The following MAGI1 variants were observed in gnomAD, a reference collection of about 807,000 sequenced individuals.
The protein encoded by MAGI1 is membrane-associated guanylate kinase, WW and PDZ domain-containing protein 1.
Under a neutral mutation model 139.9 loss-of-function variants are expected in MAGI1, and 58 were observed. The observed-to-expected ratio is 0.41, with a 90% confidence interval of 0.34 to 0.52. The LOEUF is 0.52. MAGI1 is among the 20% of genes least tolerant of loss of function. The probability of loss-of-function intolerance (pLI) is 0.12; values close to 1 mark genes in which losing one functional copy is unlikely to be tolerated. For missense variants in MAGI1, 1,874 were observed against 1,901.6 expected, an observed-to-expected ratio of 0.99 and a Z score of 0.27; for synonymous variants, 812 against 737.9, an observed-to-expected ratio of 1.10 and a Z score of -1.63.
intron 21 of MAGI1, among the ~76,000 whole-genome samples, chr3:65,361,827 A>C (rs1433774191): frequency 6.6e-6 from 1 of 152,226 alleles, no homozygotes; most frequent in African/African-American, 2.4e-5. Context: ...TATCCTCTGG[A>C]GTCCCATGAT....
intron 1 of MAGI1, among the ~76,000 whole-genome samples, chr3:65,747,137 T>C (rs2035776934): frequency 6.6e-6 from 1 of 152,148 alleles, no homozygotes; most frequent in Non-Finnish European, 1.5e-5. Flanking sequence ...CGTGTCTCAG[T>C]CACCTAAAGG....
At chr3:65,815,915 C>T (rs2041572431) in intron 1 of MAGI1, among the ~76,000 whole-genome samples, 4 of 152,208 alleles carry the variant, frequency 2.6e-5, no homozygotes, top group Admixed American at 2.6e-4. Flanking sequence ...AGAGATCTAA[C>T]ATACTCCACT....
intron 5 of MAGI1, among the ~76,000 whole-genome samples, chr3:65,457,543 T>C (rs973233555): frequency 1.3e-4 from 20 of 152,322 alleles, no homozygotes; most frequent in Non-Finnish European, 2.9e-4. Flanking sequence ...CAATATATGG[T>C]TTGTTAGATT....
At chr3:65,770,364 T>G (rs774012376) in intron 1 of MAGI1, among the ~76,000 whole-genome samples, 1 of 152,188 alleles carries the variant, frequency 6.6e-6, no homozygotes, top group Non-Finnish European at 1.5e-5. Context: ...TTTAGTTGCC[T>G]TCTAGGTACC....
At chr3:65,891,909 TATATA>T in intron 1 of MAGI1, among the ~76,000 whole-genome samples, 1 of 80,762 alleles carries the variant, frequency 1.2e-5, no homozygotes, top group East Asian at 4.0e-4. Flanking sequence ...TATATATATA[TATATA>T]TATATATATA....
At chr3:66,021,560 A>C (rs1256956387) in intron 1 of MAGI1, among the ~76,000 whole-genome samples, 2 of 152,218 alleles carry the variant, frequency 1.3e-5, no homozygotes, top group East Asian at 3.9e-4. Flanking sequence ...GATAACTGGA[A>C]GAAAGGCCAA....
intron 1 of MAGI1, among the ~76,000 whole-genome samples, chr3:65,802,082 A>C (rs573411387): frequency 2.0e-5 from 3 of 152,074 alleles, no homozygotes; most frequent in Admixed American, 6.6e-5. Flanking sequence ...TCCCTGCCCC[A>C]CTCAACCTCC....
intron 1 of MAGI1, chr3:65,894,007 T>A (rs544937884): frequency 6.6e-6 from 1 of 152,284 alleles, no homozygotes; most frequent in Admixed American, 6.5e-5. Context: ...GTTTCCAAAG[T>A]CAAGTGTCCC....
intron 1 of MAGI1, among the ~76,000 whole-genome samples, chr3:65,766,901 T>C (rs1230854073): frequency 6.6e-6 from 1 of 152,002 alleles, no homozygotes; most frequent in African/African-American, 2.4e-5. Context: ...ATAGTAATAA[T>C]AACAACAGAA....
intron 1 of MAGI1, chr3:65,925,312 T>G (rs1464068672): frequency 6.6e-6 from 1 of 152,232 alleles, no homozygotes; most frequent in African/African-American, 2.4e-5. Context: ...GTGTTTTTTT[T>G]TGTTTTGTTT....
At chr3:65,992,001 G>C (rs985914097) in intron 1 of MAGI1, among the ~76,000 whole-genome samples, 3 of 149,566 alleles carry the variant, frequency 2.0e-5, no homozygotes, top group African/African-American at 7.4e-5. Context: ...GGTGACAAGA[G>C]CAGAACTCCA....
At chr3:65,667,659 C>T (rs1451235534) in intron 1 of MAGI1, among the ~76,000 whole-genome samples, 1 of 152,146 alleles carries the variant, frequency 6.6e-6, no homozygotes, top group Non-Finnish European at 1.5e-5. Flanking sequence ...GCAGCCTCAA[C>T]CTCCTGGGCT....
chr3:65,749,401 CTAAGT>C (rs1368005132), intron 1 of MAGI1, among the ~76,000 whole-genome samples: 3 of 152,102 alleles, frequency 2.0e-5, no homozygotes, highest in Admixed American at 6.5e-5. Context: ...GGCTATTATT[CTAAGT>C]GAAGTGACTC....
chr3:65,529,046 A>T (rs1559640515), intron 2 of MAGI1, among the ~76,000 whole-genome samples: 1 of 152,134 alleles, frequency 6.6e-6, no homozygotes. Context: ...ACCCTGTTTC[A>T]AAACCAACCA....
chr3:65,387,834 C>T (rs1335363985), intron 14 of MAGI1, among the ~76,000 whole-genome samples: 1 of 152,218 alleles, frequency 6.6e-6, no homozygotes, highest in Non-Finnish European at 1.5e-5. Flanking sequence ...GCTCAATCGC[C>T]ACTTCCAAAC....
intron 1 of MAGI1, among the ~76,000 whole-genome samples, chr3:65,759,065 C>CAAAAAAAAAAAAAAAAAAAAAAAAAAAA (rs200497203): frequency 1.4e-5 from 1 of 73,070 alleles, no homozygotes; most frequent in African/African-American, 5.5e-5. Flanking sequence ...AGGCCCAGTG[C>CAAAAAAAAAAAAAAAAAAAAAAAAAAAA]AAAAAAAAAA....
At chr3:65,774,806 C>G (rs907626099) in intron 1 of MAGI1, among the ~76,000 whole-genome samples, 1 of 152,154 alleles carries the variant, frequency 6.6e-6, no homozygotes, top group Non-Finnish European at 1.5e-5. Flanking sequence ...CTGTGCCTAA[C>G]AAGGGGTTCT....
At chr3:65,830,043 T>C (rs1403167109) in intron 1 of MAGI1, among the ~76,000 whole-genome samples, 1 of 152,170 alleles carries the variant, frequency 6.6e-6, no homozygotes, top group East Asian at 1.9e-4. Flanking sequence ...CGTGAGATCA[T>C]TATTTATGCA....
chr3:65,745,745 C>T (rs1331448990), intron 1 of MAGI1, among the ~76,000 whole-genome samples: 1 of 151,854 alleles, frequency 6.6e-6, no homozygotes, highest in Non-Finnish European at 1.5e-5. Context: ...TTTTTCCCCC[C>T]TTGAGGTAGA....
Sources: allele counts gnomAD v4.1 joint callset (sites outside exome capture counted in the v4.1 genomes callset), GRCh38; gene constraint gnomAD v4.1.1; transcripts MANE v1.5; gene names NCBI Gene and HGNC (gene_info 2026-07-23, HGNC 2026-07-21).